Variants in CELF2 observed in about 807,000 individuals in gnomAD.
CELF2 encodes CUG triplet repeat RNA-binding protein 2.
CELF2 carries 8 observed loss-of-function variants against 62.6 expected under a neutral mutation model. That is an observed-to-expected ratio of 0.13 (90% CI 0.07 to 0.23). The LOEUF is 0.23. CELF2 is among the 10% of genes least tolerant of loss of function. The probability of loss-of-function intolerance (pLI) is 1.00; values close to 1 mark genes in which losing one functional copy is unlikely to be tolerated. For missense variants in CELF2, 333 were observed against 671.0 expected (o/e 0.50, Z 5.56); for synonymous variants, 258 against 250.0 (o/e 1.03, Z -0.30).
intron 1 of CELF2, among the ~76,000 whole-genome samples, chr10:11,076,366 G>A (rs1480111395): frequency 1.3e-5 from 2 of 152,166 alleles, no homozygotes; most frequent in Non-Finnish European, 2.9e-5. Context: ...AGTTGCTATG[G>A]GGGTGCATTA....
At chr10:10,487,886 G>A in the CELF2 span, among the ~76,000 whole-genome samples, 1 of 152,088 alleles carries the variant, frequency 6.6e-6, no homozygotes, top group East Asian at 1.9e-4. Context: ...GAAGTTAGTA[G>A]TATTTGTAAT....
chr10:11,203,086 T>G (rs552635733), intron 2 of CELF2, among the ~76,000 whole-genome samples: 6 of 152,136 alleles, frequency 3.9e-5, no homozygotes, highest in Non-Finnish European at 8.8e-5. Context: ...CTTTTCTTTT[T>G]TCTGAAGGTT....
Position 11,321,526 on chromosome 10 carries a change from A to T in CELF2, c.1294+140A>T. The T allele has an allele frequency of 1.4e-6, 1 of 728,478 alleles. No homozygotes were observed. Among genetic ancestry groups the T allele is most frequent in the South Asian group, 2.0e-5 (1 of 50,622 alleles). 45.1% of individuals were successfully genotyped at this position (728,478 alleles called of 1,614,324 possible). ...TGTTTTGTTATTCATGTTTAAAAAA[A>T]AAAAAAACTGAAAGCTGGGCATGGT... On this transcript the variant is annotated intron_variant, in intron 11 of 12. Transcript: ENST00000633077. The surrounding 1 kb of genome is among the most constrained non-coding windows in gnomAD (Gnocchi z 6.2).
chr10:11,146,059 G>C (rs976964954), intron 1 of CELF2, among the ~76,000 whole-genome samples: 2 of 152,164 alleles, frequency 1.3e-5, no homozygotes, highest in Admixed American at 1.3e-4. Flanking sequence ...TGCTTGTTCT[G>C]TTGCTGTAGG....
chr10:10,507,877 A>C, the CELF2 span, among the ~76,000 whole-genome samples: 3 of 152,186 alleles, frequency 2.0e-5, no homozygotes, highest in Admixed American at 6.5e-5. Context: ...AAAGCCCTCA[A>C]ATTTAGTCAT....
the CELF2 span, among the ~76,000 whole-genome samples, chr10:10,607,096 T>C: frequency 6.6e-6 from 1 of 152,344 alleles, no homozygotes. Flanking sequence ...TTAATGCTAA[T>C]AGCTGATCCT....
chr10:11,156,803 C>T lies in CELF2; in HGVS notation c.75-8683C>T, dbSNP rs1198344651. Among the ~76,000 whole-genome samples, 1 of 152,146 alleles carries T rather than the reference C, an allele frequency of 6.6e-6. No homozygotes were observed. The highest frequency in any genetic ancestry group is 6.5e-5 in the Admixed American group (1 of 15,280). On this transcript the variant is annotated intron_variant, in intron 1 of 12. Transcript: ENST00000633077. The surrounding 1 kb of genome is among the most constrained non-coding windows in gnomAD (Gnocchi z 4.3). ...AGCCAGTCCGCATTACACGCATGTT[C>T]TGTGTGCAGCACTGTTTCTGGTCAT...
At chr10:11,136,051 G>A (rs1295749526) in intron 1 of CELF2, among the ~76,000 whole-genome samples, 5 of 152,156 alleles carry the variant, frequency 3.3e-5, no homozygotes, top group Admixed American at 3.3e-4. Flanking sequence ...TGGGAATATA[G>A]GGATGTACAA....
At chr10:10,513,458 C>G in the CELF2 span, among the ~76,000 whole-genome samples, 1 of 152,194 alleles carries the variant, frequency 6.6e-6, no homozygotes, top group South Asian at 2.1e-4. Context: ...GAATCCATGA[C>G]AGTAACTACT....
intron 3 of CELF2, among the ~76,000 whole-genome samples, chr10:11,218,912 A>C (rs911828271): frequency 6.6e-6 from 1 of 152,212 alleles, no homozygotes; most frequent in African/African-American, 2.4e-5. Flanking sequence ...AGCCAAGGCA[A>C]ATATTTACTG....
At chr10:11,037,257 G>T (rs1367938608) in intron 1 of CELF2, among the ~76,000 whole-genome samples, 5 of 152,200 alleles carry the variant, frequency 3.3e-5, no homozygotes, top group Non-Finnish European at 7.3e-5. Flanking sequence ...AAAACCATCA[G>T]CTCTCCTGAG....
At chr10:10,749,134 A>G in the CELF2 span, among the ~76,000 whole-genome samples, 9 of 152,180 alleles carry the variant, frequency 5.9e-5, no homozygotes, top group Non-Finnish European at 1.3e-4. Context: ...ACAGAGTGAA[A>G]TGTCAACTAG....
chr10:11,320,966 A>C (rs2095409808), intron 10 of CELF2: 26 of 1,518,386 alleles, frequency 1.7e-5, no homozygotes, highest in Non-Finnish European at 2.3e-5. Flanking sequence ...GTGCATTTGA[A>C]TCACTGGCCT....
rs79883032 is a variant in CELF2, at chr10:11,312,369, G to A, written c.977-1770G>A. ...TAAATATGTGGGCAAATCAAAATAC[G>A]TGGTATGAAGAATAATAATGAAGTG... On this transcript the variant is annotated intron_variant, in intron 9 of 12. Transcript: ENST00000633077. Among the ~76,000 whole-genome samples, 665 of 152,294 alleles carry A rather than the reference G, an allele frequency of 4.4e-3. 9 individuals carry two copies. Among genetic ancestry groups the A allele is most frequent in the East Asian group, 0.039 (201 of 5,192 alleles).
At chr10:10,596,346 G>A in the CELF2 span, among the ~76,000 whole-genome samples, 1 of 151,848 alleles carries the variant, frequency 6.6e-6, no homozygotes, top group Non-Finnish European at 1.5e-5. Context: ...GTTAGTTTTT[G>A]CTTCCCTGGG....
At chr10:10,480,057 T>C in the CELF2 span, among the ~76,000 whole-genome samples, 4 of 152,206 alleles carry the variant, frequency 2.6e-5, no homozygotes, top group Non-Finnish European at 4.4e-5. Flanking sequence ...TAGAATCTTA[T>C]TTATGAATCT....
chr10:11,275,681 A>G (rs767439846), intron 8 of CELF2, among the ~76,000 whole-genome samples: 1 of 152,198 alleles, frequency 6.6e-6, no homozygotes, highest in East Asian at 1.9e-4. Flanking sequence ...TGAAAGTGGA[A>G]TCTTTGTTCT....
intron 1 of CELF2, among the ~76,000 whole-genome samples, chr10:11,024,274 G>A (rs751107415): frequency 2.6e-5 from 4 of 152,164 alleles, no homozygotes; most frequent in Non-Finnish European, 5.9e-5. Flanking sequence ...TTTAAAGGTA[G>A]GAGTTAGATA....
Position 10,947,435 on chromosome 10 carries a change from C to T in CELF2, c.89+27436C>T, listed in dbSNP as rs2047819161. On this transcript the variant is annotated intron_variant, in intron 2 of 13. Transcript: ENST00000636488. The surrounding 1 kb of genome is among the most constrained non-coding windows in gnomAD (Gnocchi z 4.1). Reference sequence around the variant, plus strand: ...GCCTTACAAGGCATAGCCAGATTGCCAAGTAATTACCTTGATTTATGAAGG... The same window carrying T: ...GCCTTACAAGGCATAGCCAGATTGCTAAGTAATTACCTTGATTTATGAAGG... 6.6e-6 allele frequency: 1 copy of T among 152,604 alleles called. No individual in the cohort carries two copies. The highest frequency in any genetic ancestry group is 6.5e-5 in the Admixed American group (1 of 15,278). The allele number at this position is 152,604 out of a possible 1,614,324, so 9.5% of individuals were successfully genotyped here.
Sources: allele counts gnomAD v4.1 joint callset (sites outside exome capture counted in the v4.1 genomes callset), GRCh38; gene constraint gnomAD v4.1.1; non-coding constraint Gnocchi (gnomAD v3.1); transcripts MANE v1.5; gene names NCBI Gene and HGNC (gene_info 2026-07-23, HGNC 2026-07-21).